The following KLF8 variants were observed in gnomAD, a reference collection of about 807,000 sequenced individuals.
KLF8 encodes KLF transcription factor 8.
A neutral mutation model predicts 18.2 loss-of-function variants in KLF8; 10 were observed. The observed-to-expected ratio is 0.55, with a 90% CI of 0.34 to 0.93. The LOEUF (loss-of-function observed/expected upper bound fraction) is 0.93, where lower values mean the gene tolerates loss of function less well. Among genes scored for constraint, KLF8 ranks in the 40% least tolerant of loss-of-function variants. The pLI, the probability that KLF8 is intolerant of heterozygous loss-of-function variation, is 0.02. For missense variants in KLF8, 264 were observed against 277.9 expected (o/e 0.95, Z 0.36); for synonymous variants, 109 against 97.3 (o/e 1.12, Z -0.71).
At chrX:56,185,305 G>C in the KLF8 span, among the ~76,000 whole-genome samples, 1 of 111,846 alleles carries the variant, frequency 8.9e-6, no homozygotes, top group Admixed American at 9.5e-5. Flanking sequence ...GAAATGAAGT[G>C]AAAAGGGAAG....
At chrX:56,055,106 G>T in the KLF8 span, among the ~76,000 whole-genome samples, 2 of 111,378 alleles carry the variant, frequency 1.8e-5, no homozygotes, top group Non-Finnish European at 3.8e-5. Context: ...GTGTACATTT[G>T]ATCTTGTCAA....
the KLF8 span, among the ~76,000 whole-genome samples, chrX:55,939,675 A>G: frequency 1.8e-5 from 2 of 111,720 alleles, no homozygotes; most frequent in African/African-American, 6.5e-5. Flanking sequence ...TAGACACAAT[A>G]AAAAATGATA....
chrX:55,918,327 A>T, the KLF8 span, among the ~76,000 whole-genome samples: 1 of 111,806 alleles, frequency 8.9e-6, no homozygotes, highest in African/African-American at 3.3e-5. Context: ...ATTATACATC[A>T]TTTTTCATGT....
At chrX:56,160,334 G>C in the KLF8 span, among the ~76,000 whole-genome samples, 1 of 111,848 alleles carries the variant, frequency 8.9e-6, no homozygotes, top group African/African-American at 3.3e-5. Context: ...TGGAATACGT[G>C]TGGTGTGGTG....
chrX:56,171,425 C>T, the KLF8 span, among the ~76,000 whole-genome samples: 1 of 111,181 alleles, frequency 9.0e-6, no homozygotes, highest in African/African-American at 3.3e-5. Flanking sequence ...GCACAACGTG[C>T]AGGTTTGTTA....
At chrX:55,941,586 C>A in the KLF8 span, among the ~76,000 whole-genome samples, 2 of 111,679 alleles carry the variant, frequency 1.8e-5, no homozygotes, top group South Asian at 3.7e-4. Flanking sequence ...AACAGGCAAC[C>A]TACAGAATGG....
the KLF8 span, among the ~76,000 whole-genome samples, chrX:56,050,838 T>G: frequency 3.6e-5 from 4 of 110,118 alleles, no homozygotes; most frequent in Non-Finnish European, 5.7e-5. Context: ...ACTTTCTGTC[T>G]CATTGATCTG....
chrX:55,993,905 TAG>T, the KLF8 span, among the ~76,000 whole-genome samples: 1 of 105,494 alleles, frequency 9.5e-6, no homozygotes, highest in Admixed American at 1.0e-4. Flanking sequence ...TTGGTGTTTA[TAG>T]AGGTTTTTTT....
the KLF8 span, among the ~76,000 whole-genome samples, chrX:55,931,546 G>T: frequency 1.8e-5 from 2 of 111,827 alleles, no homozygotes; most frequent in East Asian, 5.6e-4. Flanking sequence ...CTTTAGCTGT[G>T]TTCCAGAGAT....
chrX:56,046,615 A>AC, the KLF8 span, among the ~76,000 whole-genome samples: 1 of 109,802 alleles, frequency 9.1e-6, no homozygotes, highest in East Asian at 2.8e-4. Flanking sequence ...TGGAAAAAAA[A>AC]AACGGTACCT....
the KLF8 span, among the ~76,000 whole-genome samples, chrX:56,142,366 T>C: frequency 9.0e-6 from 1 of 111,509 alleles, no homozygotes; most frequent in African/African-American, 3.3e-5. Context: ...TGGCTTCCTA[T>C]GCTCTCTTGG....
the KLF8 span, among the ~76,000 whole-genome samples, chrX:56,078,831 G>T: frequency 1.8e-5 from 2 of 111,141 alleles, no homozygotes; most frequent in Admixed American, 1.9e-4. Flanking sequence ...CCTGTTATTG[G>T]TCTATTCAGA....
At chrX:55,942,009 A>G in the KLF8 span, among the ~76,000 whole-genome samples, 1 of 111,463 alleles carries the variant, frequency 9.0e-6, no homozygotes, top group Non-Finnish European at 1.9e-5. Flanking sequence ...CAGCCATCCC[A>G]TTACTGAGTA....
At chrX:56,172,145 G>T in the KLF8 span, among the ~76,000 whole-genome samples, 2 of 109,560 alleles carry the variant, frequency 1.8e-5, no homozygotes, top group Non-Finnish European at 3.8e-5. Context: ...TTAGGGTACA[G>T]GTGTACAACA....
chrX:55,978,065 CTA>C, the KLF8 span, among the ~76,000 whole-genome samples: 3 of 108,344 alleles, frequency 2.8e-5, no homozygotes, highest in Non-Finnish European at 5.8e-5. Context: ...CTCTCTCTCT[CTA>C]TATATATATA....
chrX:55,918,190 G>A, the KLF8 span, among the ~76,000 whole-genome samples: 1 of 112,020 alleles, frequency 8.9e-6, no homozygotes, highest in Non-Finnish European at 1.9e-5. Flanking sequence ...AGCAGTCTAA[G>A]GATATCTTAA....
chrX:56,156,116 T>C, the KLF8 span, among the ~76,000 whole-genome samples: 576 of 112,515 alleles, frequency 5.1e-3, 5 homozygotes, highest in African/African-American at 0.018. Flanking sequence ...TTGCAAACAT[T>C]CAACTTCATG....
At chrX:56,021,107 C>A in the KLF8 span, among the ~76,000 whole-genome samples, 1 of 112,298 alleles carries the variant, frequency 8.9e-6, no homozygotes, top group Non-Finnish European at 1.9e-5. Context: ...GTAATTGGCA[C>A]CAGAAATATG....
chrX:56,023,008 A>G, the KLF8 span, among the ~76,000 whole-genome samples: 2 of 111,678 alleles, frequency 1.8e-5, no homozygotes, highest in Admixed American at 9.5e-5. Context: ...CATTAGGTTA[A>G]CCAAAAAGCT....
Sources: allele counts gnomAD v4.1 joint callset (sites outside exome capture counted in the v4.1 genomes callset), GRCh38; gene constraint gnomAD v4.1.1; transcripts MANE v1.5; gene names NCBI Gene and HGNC (gene_info 2026-07-23, HGNC 2026-07-21).